PKIA: variants seen among roughly 807,000 people sequenced by gnomAD.
PKIA encodes the protein PKI-alpha.
PKIA carries 4 observed loss-of-function variants against 7.6 expected under a neutral mutation model. The ratio of observed to expected loss-of-function variants is 0.52; its 90% confidence interval spans 0.26 to 1.20. PKIA has a LOEUF of 1.20. Among genes scored for constraint, PKIA ranks in the 50% most tolerant of loss-of-function variants. The probability of loss-of-function intolerance (pLI) is 0.13; values close to 1 mark genes in which losing one functional copy is unlikely to be tolerated. For missense variants in PKIA, 73 were observed against 86.2 expected, an observed-to-expected ratio of 0.85 and a Z score of 0.61; for synonymous variants, 21 against 30.7, an observed-to-expected ratio of 0.68 and a Z score of 1.04.
chr8:78,566,597 T>C (rs1807419776), intron 1 of PKIA, among the ~76,000 whole-genome samples: 1 of 152,098 alleles, frequency 6.6e-6, no homozygotes, highest in African/African-American at 2.4e-5. Context: ...TACTATCCTG[T>C]AGTATCTTTT....
At chr8:78,576,096 A>G (rs1807668061) in intron 2 of PKIA, among the ~76,000 whole-genome samples, 2 of 151,960 alleles carry the variant, frequency 1.3e-5, no homozygotes, top group African/African-American at 4.8e-5. Context: ...TTAAGACCTT[A>G]TTTAACCTAA....
At chr8:78,590,269 CAATGTCTGATAGTTAAA>C (rs1808061924) in intron 2 of PKIA, among the ~76,000 whole-genome samples, 1 of 148,288 alleles carries the variant, frequency 6.7e-6, no homozygotes, top group African/African-American at 2.5e-5. Context: ...TCCAGATGAC[CAATGTCTGATAGTTAAA>C]AAAAAAAAAA....
chr8:78,574,783 A>G (rs1207970342), intron 2 of PKIA, among the ~76,000 whole-genome samples: 1 of 151,982 alleles, frequency 6.6e-6, no homozygotes, highest in Non-Finnish European at 1.5e-5. Flanking sequence ...CTTATCAATA[A>G]GCTACAAGAT....
chr8:78,566,296 CAT>C (rs1807410895), intron 1 of PKIA, among the ~76,000 whole-genome samples: 1 of 152,010 alleles, frequency 6.6e-6, no homozygotes, highest in Non-Finnish European at 1.5e-5. Flanking sequence ...ATTTATGAAA[CAT>C]GTCTTTGTTG....
chr8:78,537,176 AGTTTT>A (rs1274842140), intron 1 of PKIA, among the ~76,000 whole-genome samples: 1 of 148,282 alleles, frequency 6.7e-6, no homozygotes, highest in Non-Finnish European at 1.5e-5. Context: ...GGTTTAGTTT[AGTTTT>A]TTTTTTTTTT....
intron 2 of PKIA, among the ~76,000 whole-genome samples, chr8:78,596,808 A>G (rs1229558401): frequency 1.3e-5 from 2 of 152,196 alleles, no homozygotes; most frequent in African/African-American, 4.8e-5. Context: ...CAGGTTTTAC[A>G]TTTAAGTCTT....
chr8:78,524,053 T>A lies in PKIA; in HGVS notation c.-157+7585T>A, dbSNP rs534575554. The stretch of plus-strand genomic sequence containing the variant: ...ATAAACGTTTATATATATAAATATA[T>A]ATAAACATTTATATTTATATATAAA... On this transcript the variant is annotated intron_variant, in intron 1 of 3. Coordinates refer to ENST00000396418, the MANE Select transcript of PKIA (RefSeq NM_006823.4). 1.0e-3 allele frequency among the ~76,000 whole-genome samples: 133 copies of A among 130,398 alleles called. 5 individuals carry two copies. Among genetic ancestry groups the A allele is most frequent in the East Asian group, 7.5e-3 (37 of 4,904 alleles). The allele number at this position is 130,398 out of a possible 152,430, so 85.5% of individuals were successfully genotyped here.
At chr8:78,591,584 G>A (rs914228231) in intron 2 of PKIA, among the ~76,000 whole-genome samples, 4 of 152,050 alleles carry the variant, frequency 2.6e-5, no homozygotes, top group Non-Finnish European at 5.9e-5. Flanking sequence ...TTAGATGTCA[G>A]GTTTTAGAGA....
rs71264194 is a variant in PKIA, at chr8:78,524,020, ACG to A, written c.-157+7553_-157+7554del. On this transcript the variant is annotated intron_variant, in intron 1 of 3. Coordinates refer to ENST00000396418, the MANE Select transcript of PKIA (RefSeq NM_006823.4). ...AACATTTATATATAAATATATATAA[ACG>A]TTTATATAAACGTTTATATATATAA... Among the ~76,000 whole-genome samples the A allele has an allele frequency of 7.6e-3, 687 of 90,256 alleles. 23 individuals carry two copies. Among genetic ancestry groups the A allele is most frequent in the Non-Finnish European group, 0.011 (524 of 47,398 alleles). 59.2% of individuals were successfully genotyped at this position (90,256 alleles called of 152,430 possible). A position where few individuals can be genotyped will look rare whatever the true frequency, so the allele number is the denominator to read the frequency against.
At chr8:78,577,012 T>C (rs1010912749) in intron 2 of PKIA, among the ~76,000 whole-genome samples, 1 of 151,898 alleles carries the variant, frequency 6.6e-6, no homozygotes, top group African/African-American at 2.4e-5. Flanking sequence ...TAAAAAAGAA[T>C]GAGATAATGT....
intron 1 of PKIA, among the ~76,000 whole-genome samples, chr8:78,570,167 C>T (rs1189428913): frequency 1.3e-5 from 2 of 152,010 alleles, no homozygotes; most frequent in African/African-American, 2.4e-5. Flanking sequence ...AAGACATAAA[C>T]GTACAGATTT....
chr8:78,574,485 C>T (rs577732608), intron 2 of PKIA, among the ~76,000 whole-genome samples: 1 of 152,024 alleles, frequency 6.6e-6, no homozygotes, highest in African/African-American at 2.4e-5. Context: ...TTGCTATCTG[C>T]TGCATTTCCA....
At chr8:78,598,643 G>C (rs1808283623) in intron 3 of PKIA, 108 bp downstream of exon 3, 2 of 849,806 alleles carry the variant, frequency 2.4e-6, no homozygotes, top group Admixed American at 2.1e-5. Context: ...CTAATGTAAA[G>C]AGTTTTAAAC....
intron 1 of PKIA, among the ~76,000 whole-genome samples, chr8:78,550,719 A>C (rs530401110): frequency 6.6e-6 from 1 of 152,006 alleles, no homozygotes; most frequent in Admixed American, 6.6e-5. Context: ...ACATGAGTAT[A>C]TTCTTTAGTG....
intron 1 of PKIA, among the ~76,000 whole-genome samples, chr8:78,564,363 A>G (rs189313496): frequency 2.6e-5 from 4 of 152,104 alleles, no homozygotes; most frequent in Admixed American, 2.6e-4. Flanking sequence ...GAAGAGGCAG[A>G]AAAGAGTGAG....
At chr8:78,575,815 A>G (rs952438451) in intron 2 of PKIA, among the ~76,000 whole-genome samples, 2 of 151,988 alleles carry the variant, frequency 1.3e-5, no homozygotes, top group Non-Finnish European at 2.9e-5. Flanking sequence ...TAAAACCTCA[A>G]TTGGTCTTTG....
Position 78,602,713 on chromosome 8 carries a change from A to ATATATT in PKIA, c.*893_*894insATATTT, listed in dbSNP as rs1554584766. The ATATATT allele has an allele frequency of 2.4e-4, 35 of 147,934 alleles. 1 individual carries two copies. Among genetic ancestry groups the ATATATT allele is most frequent in the African/African-American group, 8.0e-4 (32 of 40,020 alleles). 9.2% of individuals were successfully genotyped at this position (147,934 alleles called of 1,614,324 possible). ...CCACATAATATATATATATATATAT[A>ATATATT]TTTTAATTTATGAGAATTTTGGACA... On this transcript the variant is annotated 3_prime_UTR_variant, in exon 4 of 4. Coordinates refer to ENST00000396418, the MANE Select transcript of PKIA (RefSeq NM_006823.4).
At chr8:78,575,606 G>C (rs923256557) in intron 2 of PKIA, among the ~76,000 whole-genome samples, 3 of 151,928 alleles carry the variant, frequency 2.0e-5, no homozygotes, top group African/African-American at 7.2e-5. Context: ...TATTATACAC[G>C]TGCAAGATTT....
At chr8:78,554,624 T>C (rs193299870) in intron 1 of PKIA, among the ~76,000 whole-genome samples, 1,523 of 151,930 alleles carry the variant, frequency 0.01, 32 homozygotes, top group African/African-American at 0.035. Context: ...TGCTGAGGAT[T>C]GCAGATGATA....
Sources: gnomAD v4.1 joint callset for allele counts (sites outside exome capture counted in the v4.1 genomes callset) on GRCh38, gnomAD v4.1.1 for gene constraint, MANE v1.5 for transcripts, NCBI Gene and HGNC (gene_info 2026-07-23, HGNC 2026-07-21) for gene names.